The following GPM6A variants were observed in gnomAD, a reference collection of about 807,000 sequenced individuals.
GPM6A encodes the protein neuronal membrane glycoprotein M6-a.
A neutral mutation model predicts 32.1 loss-of-function variants in GPM6A; 7 were observed. The ratio of observed to expected loss-of-function variants is 0.22; its 90% CI spans 0.12 to 0.41. GPM6A has a LOEUF of 0.41. Ranked by LOEUF, GPM6A falls within the 10% of genes least tolerant of loss-of-function variation. The pLI is 1.00. For synonymous variants in GPM6A, 130 were observed against 123.4 expected (o/e 1.05, Z -0.35); for missense variants, 235 against 347.2 (o/e 0.68, Z 2.57).
intron 6 of GPM6A, among the ~76,000 whole-genome samples, chr4:175,639,497 T>C (rs993829706): frequency 2.8e-4 from 42 of 152,264 alleles, no homozygotes; most frequent in African/African-American, 9.4e-4. Context: ...GCAAAAGCTA[T>C]TACTGACACT....
intron 3 of GPM6A, among the ~76,000 whole-genome samples, 200 bp downstream of exon 3, chr4:175,673,480 A>T (rs1052204910): frequency 6.6e-6 from 1 of 152,150 alleles, no homozygotes; most frequent in Non-Finnish European, 1.5e-5. Flanking sequence ...GCTACATAGA[A>T]TCTGAGTATT....
intron 1 of GPM6A, among the ~76,000 whole-genome samples, chr4:175,803,917 A>G (rs1734576334): frequency 1.3e-5 from 2 of 152,182 alleles, no homozygotes; most frequent in South Asian, 2.1e-4. Flanking sequence ...AAAATGCTTT[A>G]AGTTCAATTA....
intron 1 of GPM6A, among the ~76,000 whole-genome samples, chr4:175,792,421 G>A (rs1055781963): frequency 1.5e-4 from 23 of 152,038 alleles, no homozygotes; most frequent in Non-Finnish European, 2.8e-4. Flanking sequence ...ATAATTAAAT[G>A]AAGAAAATAG....
chr4:175,744,277 C>A (rs1430614995), intron 1 of GPM6A, among the ~76,000 whole-genome samples: 1 of 151,856 alleles, frequency 6.6e-6, no homozygotes, highest in East Asian at 1.9e-4. Context: ...AAAAAGAAAT[C>A]AAAAAGAAAA....
chr4:175,896,488 T>C (rs1324059445), intron 1 of GPM6A, among the ~76,000 whole-genome samples: 3 of 152,198 alleles, frequency 2.0e-5, no homozygotes, highest in Non-Finnish European at 4.4e-5. Context: ...TAAGCCTTGA[T>C]CTGACTCTTC....
chr4:175,797,547 A>G (rs144746424), intron 1 of GPM6A, among the ~76,000 whole-genome samples: 167 of 152,250 alleles, frequency 1.1e-3, no homozygotes, highest in Middle Eastern at 6.8e-3. Context: ...GGCCATCTCA[A>G]TCAATTTCCC....
At chr4:175,696,279 AG>A (rs139404578) in intron 2 of GPM6A, among the ~76,000 whole-genome samples, 7,057 of 152,284 alleles carry the variant, frequency 0.046, 200 homozygotes, top group Non-Finnish European at 0.063. Context: ...TAAGGCAAAG[AG>A]GTTAAGTAAC....
At chr4:175,651,618 A>C (rs1249469428) in intron 4 of GPM6A, among the ~76,000 whole-genome samples, 1 of 152,206 alleles carries the variant, frequency 6.6e-6, no homozygotes, top group Non-Finnish European at 1.5e-5. Flanking sequence ...GTCAATATAC[A>C]TGTGTATATG....
At chr4:175,717,665 G>A (rs1745909484) in intron 1 of GPM6A, among the ~76,000 whole-genome samples, 1 of 152,080 alleles carries the variant, frequency 6.6e-6, no homozygotes, top group Non-Finnish European at 1.5e-5. Context: ...AAGAAGAGAG[G>A]ACCAGTTGAT....
chr4:175,640,963 T>G (rs1741106643), intron 4 of GPM6A, 134 bp from the exon 5 acceptor site: 2 of 629,248 alleles, frequency 3.2e-6, no homozygotes, highest in African/African-American at 3.7e-5. Flanking sequence ...GGAAAAATAA[T>G]CTAGCTTTCA....
At chr4:175,665,442 T>C (rs1425616843) in intron 3 of GPM6A, among the ~76,000 whole-genome samples, 2 of 152,104 alleles carry the variant, frequency 1.3e-5, no homozygotes, top group African/African-American at 4.8e-5. Flanking sequence ...TTTTATTTTT[T>C]CAATTGAAAA....
intron 1 of GPM6A, among the ~76,000 whole-genome samples, chr4:175,983,466 CTAGT>C (rs528239535): frequency 9.9e-5 from 15 of 152,200 alleles, no homozygotes; most frequent in African/African-American, 3.1e-4. Flanking sequence ...ACTTCTATTC[CTAGT>C]TAAAGAAATT....
chr4:175,981,783 G>C (rs1471991604), intron 1 of GPM6A, among the ~76,000 whole-genome samples: 1 of 151,960 alleles, frequency 6.6e-6, no homozygotes, highest in Non-Finnish European at 1.5e-5. Flanking sequence ...GTGTATTTTT[G>C]ATTTTATAAA....
intron 2 of GPM6A, among the ~76,000 whole-genome samples, chr4:175,686,635 G>A (rs913940094): frequency 4.6e-5 from 7 of 152,194 alleles, no homozygotes; most frequent in South Asian, 2.1e-4. Flanking sequence ...ACCAATCTCC[G>A]GGAAGAGGCC....
In GPM6A at chr4:175,994,779, G is replaced by A. The variant is rs138542208; in HGVS notation, c.-23+7530C>T. Among the ~76,000 whole-genome samples the A allele has an allele frequency of 4.6e-3, 698 of 152,276 alleles. 1 individual carries two copies. Among genetic ancestry groups the A allele is most frequent in the Admixed American group, 8.7e-3 (133 of 15,288 alleles). ...TGCATCAACTGACTCTTCCTTTCAT[G>A]AAAGATTTCTCTGTAGCATGTGATG... On this transcript the variant is annotated intron_variant, in intron 1 of 7. Coordinates refer to the GPM6A transcript ENST00000280187.
intron 1 of GPM6A, among the ~76,000 whole-genome samples, chr4:175,800,307 G>T (rs1039089328): frequency 2.0e-5 from 3 of 152,124 alleles, no homozygotes; most frequent in Admixed American, 6.5e-5. Flanking sequence ...CTAGGTAGAG[G>T]TATAGATTGT....
At chr4:175,777,063 A>G (rs1415843456) in intron 1 of GPM6A, among the ~76,000 whole-genome samples, 1 of 152,204 alleles carries the variant, frequency 6.6e-6, no homozygotes, top group East Asian at 1.9e-4. Context: ...AGACCATTGA[A>G]ATAATTATTA....
At chr4:175,666,694 T>C (rs147717300) in intron 3 of GPM6A, among the ~76,000 whole-genome samples, 77 of 152,306 alleles carry the variant, frequency 5.1e-4, no homozygotes, top group Non-Finnish European at 9.0e-4. Flanking sequence ...GGAAGGGTAG[T>C]TGAGCTGGAA....
chr4:175,985,640 G>A (rs559607342), intron 1 of GPM6A, among the ~76,000 whole-genome samples: 3 of 152,246 alleles, frequency 2.0e-5, no homozygotes, highest in South Asian at 2.1e-4. Flanking sequence ...TGTACTTGAC[G>A]TTATTGGGAA....
Sources: gnomAD v4.1 joint callset for allele counts (sites outside exome capture counted in the v4.1 genomes callset) on GRCh38, gnomAD v4.1.1 for gene constraint, MANE v1.5 for transcripts, NCBI Gene and HGNC (gene_info 2026-07-23, HGNC 2026-07-21) for gene names.